Variants in P2RY14 observed in about 807,000 individuals in gnomAD.
P2RY14 encodes the protein purinergic receptor P2Y14.
Under a neutral mutation model 0.9 loss-of-function variants are expected in P2RY14, and 2 were observed. The ratio of observed to expected loss-of-function variants is 2.16; its 90% CI spans 0.88 to 6.79. The LOEUF (loss-of-function observed/expected upper bound fraction) is 6.79. Ranked by LOEUF, P2RY14 falls within the 30% of genes most tolerant of loss-of-function variation. P2RY14 has a pLI of 0.05. For synonymous variants in P2RY14, 158 were observed against 147.2 expected (o/e 1.07, Z -0.53); for missense variants, 378 against 400.1 (o/e 0.94, Z 0.47).
chr3:151,224,188 T>A (rs866802209), intron 1 of P2RY14, among the ~76,000 whole-genome samples: 25 of 152,230 alleles, frequency 1.6e-4, no homozygotes, highest in African/African-American at 6.0e-4. Context: ...ACTTATGACG[T>A]GCATTTTTCT....
At chr3:151,224,461 G>A (rs74529203) in intron 1 of P2RY14, among the ~76,000 whole-genome samples, 3,350 of 148,848 alleles carry the variant, frequency 0.023, 119 homozygotes, top group African/African-American at 0.078. Context: ...TTTTTTTTTG[G>A]TGTCAATGTG....
chr3:151,227,277 C>T (rs1577034681), intron 1 of P2RY14, among the ~76,000 whole-genome samples: 1 of 152,204 alleles, frequency 6.6e-6, no homozygotes, highest in Non-Finnish European at 1.5e-5. Flanking sequence ...AGAACTTCCT[C>T]CTCCACCAAA....
intron 1 of P2RY14, among the ~76,000 whole-genome samples, chr3:151,255,451 GA>G (rs1404229400): frequency 2.0e-5 from 3 of 152,012 alleles, no homozygotes; most frequent in Non-Finnish European, 4.4e-5. Flanking sequence ...AGGCCAGGGG[GA>G]GGGGGCTGGG....
intron 1 of P2RY14, among the ~76,000 whole-genome samples, chr3:151,273,402 A>ATTT (rs531443713): frequency 0.19 from 21,637 of 113,378 alleles, 2,551 homozygotes; most frequent in South Asian, 0.34. Flanking sequence ...TAATTTTTGT[A>ATTT]TTTTTTTTTT....
intron 1 of P2RY14, among the ~76,000 whole-genome samples, chr3:151,273,188 G>T (rs1433915988): frequency 3.3e-5 from 5 of 149,880 alleles, no homozygotes; most frequent in Non-Finnish European, 7.4e-5. Flanking sequence ...TGGGAAAGAA[G>T]ATGATGCTGG....
At chr3:151,230,503 C>T (rs1288815195) in intron 1 of P2RY14, among the ~76,000 whole-genome samples, 1 of 151,842 alleles carries the variant, frequency 6.6e-6, no homozygotes, top group Non-Finnish European at 1.5e-5. Context: ...CTATACACTA[C>T]ACTTTGATGC....
intron 1 of P2RY14, among the ~76,000 whole-genome samples, chr3:151,258,325 CTTG>C (rs1474437441): frequency 6.6e-6 from 1 of 152,098 alleles, no homozygotes; most frequent in Non-Finnish European, 1.5e-5. Flanking sequence ...TGTTTGTTGT[CTTG>C]TTGCTGACAA....
intron 1 of P2RY14, among the ~76,000 whole-genome samples, chr3:151,275,426 A>G (rs1175268799): frequency 6.6e-6 from 1 of 152,182 alleles, no homozygotes; most frequent in African/African-American, 2.4e-5. Flanking sequence ...CTTTTCAAAA[A>G]CAACAGATGG....
chr3:151,269,107 C>T (rs551067613), intron 1 of P2RY14, among the ~76,000 whole-genome samples: 6 of 152,166 alleles, frequency 3.9e-5, no homozygotes, highest in African/African-American at 1.2e-4. Flanking sequence ...AATATATTGA[C>T]GACGTACAAA....
chr3:151,222,338 A>C (rs1178487014), intron 1 of P2RY14, among the ~76,000 whole-genome samples: 1 of 152,316 alleles, frequency 6.6e-6, no homozygotes, highest in East Asian at 1.9e-4. Context: ...TGGTTTTGAA[A>C]TGTGAAGATA....
chr3:151,256,282 C>G (rs1737801467), intron 1 of P2RY14, among the ~76,000 whole-genome samples: 1 of 152,164 alleles, frequency 6.6e-6, no homozygotes, highest in East Asian at 1.9e-4. Flanking sequence ...TAAACTCAAA[C>G]TATTACGGAT....
intron 1 of P2RY14, among the ~76,000 whole-genome samples, chr3:151,229,912 A>G (rs191165030): frequency 2.6e-5 from 4 of 152,284 alleles, no homozygotes; most frequent in African/African-American, 9.6e-5. Context: ...TGTATTTGAA[A>G]TCAAAGACCT....
chr3:151,266,822 C>T (rs892116716), intron 1 of P2RY14, among the ~76,000 whole-genome samples: 9 of 152,110 alleles, frequency 5.9e-5, no homozygotes, highest in African/African-American at 1.2e-4. Flanking sequence ...AGATGTCCTA[C>T]GAAGGGAAAA....
chr3:151,241,786 G>C (rs1054823441), intron 1 of P2RY14: 1 of 153,616 alleles, frequency 6.5e-6, no homozygotes, highest in Non-Finnish European at 1.4e-5. Context: ...GAGGAGCCAA[G>C]ATGGCCCAAT....
chr3:151,270,568 C>A (rs974298624), intron 1 of P2RY14, among the ~76,000 whole-genome samples: 1 of 152,016 alleles, frequency 6.6e-6, no homozygotes, highest in African/African-American at 2.4e-5. Context: ...TGTGTCTCTG[C>A]GTGAATATGG....
At chr3:151,227,380 C>T (rs1384374650) in intron 1 of P2RY14, among the ~76,000 whole-genome samples, 1 of 152,200 alleles carries the variant, frequency 6.6e-6, no homozygotes, top group African/African-American at 2.4e-5. Flanking sequence ...ATTTCTGCTA[C>T]AAACAGATCC....
At chr3:151,242,674 G>A (rs917016791) in intron 1 of P2RY14, among the ~76,000 whole-genome samples, 3 of 152,180 alleles carry the variant, frequency 2.0e-5, no homozygotes, top group Non-Finnish European at 4.4e-5. Context: ...GGAAAAAACA[G>A]AACAGAAAAA....
rs1413805607 is a variant in P2RY14 at position 151,243,640 on chromosome 3, T to C, written c.-132-23998A>G. Among the ~76,000 whole-genome samples, 64 of 151,826 alleles carry C rather than the reference T, an allele frequency of 4.2e-4. 1 individual carries two copies. The South Asian group carries it at 8.1e-3, about 19-fold the overall frequency. ...AGCGCTAAACATGGAAAGGAACAAC[T>C]GGTACCAGCCGCTGCAAAATCATGC... is the stretch of plus-strand genomic sequence containing the variant. On this transcript the variant is annotated intron_variant, in intron 1 of 2. Transcript: ENST00000309170.
At chr3:151,267,257 A>G (rs993234179) in intron 1 of P2RY14, among the ~76,000 whole-genome samples, 3 of 152,176 alleles carry the variant, frequency 2.0e-5, no homozygotes, top group Admixed American at 2.0e-4. Flanking sequence ...AAAGGATTGT[A>G]CATTGTCATT....
Sources: gnomAD v4.1 joint callset for allele counts (sites outside exome capture counted in the v4.1 genomes callset) on GRCh38, gnomAD v4.1.1 for gene constraint, MANE v1.5 for transcripts, NCBI Gene and HGNC (gene_info 2026-07-23, HGNC 2026-07-21) for gene names.